Variants in LSM4 observed in about 807,000 individuals in gnomAD.
LSM4 encodes the protein LSM4 homolog, U6 small nuclear RNA and mRNA degradation associated.
A neutral mutation model predicts 22.3 loss-of-function variants in LSM4; 15 were observed. The observed-to-expected ratio is 0.67, with a 90% CI of 0.45 to 1.03. The LOEUF (loss-of-function observed/expected upper bound fraction) is 1.03, where lower values mean the gene tolerates loss of function less well. Ranked by LOEUF, LSM4 falls within the 50% of genes least tolerant of loss-of-function variation. The pLI is 0.00. For synonymous variants in LSM4, 90 were observed against 79.8 expected, an observed-to-expected ratio of 1.13 and a Z score of -0.68; for missense variants, 127 against 198.0, an observed-to-expected ratio of 0.64 and a Z score of 2.15.
chr19:18,320,813 G>A (rs934516641), intron 1 of LSM4, among the ~76,000 whole-genome samples: 3 of 152,018 alleles, frequency 2.0e-5, no homozygotes, highest in Non-Finnish European at 4.4e-5. Flanking sequence ...TAAATAAAAT[G>A]AAATAGAAAA....
intron 4 of LSM4, among the ~76,000 whole-genome samples, chr19:18,308,230 T>C (rs1324557320): frequency 6.6e-6 from 1 of 152,122 alleles, no homozygotes; most frequent in Non-Finnish European, 1.5e-5. Flanking sequence ...CCAGTAATCC[T>C]GAGCAGGCTG....
intron 1 of LSM4, among the ~76,000 whole-genome samples, chr19:18,319,144 A>G (rs187030585): frequency 4.5e-4 from 68 of 152,284 alleles, no homozygotes; most frequent in Non-Finnish European, 8.4e-4. Context: ...CAGGAGGCTG[A>G]GGCAGGAGAA....
chr19:18,321,714 G>C (rs1314279057), intron 1 of LSM4, among the ~76,000 whole-genome samples: 1 of 152,174 alleles, frequency 6.6e-6, no homozygotes, highest in African/African-American at 2.4e-5. Context: ...TCTAAGATCA[G>C]TGCTTGAGAT....
rs1220731082 is a variant in LSM4 at position 18,309,878 on chromosome 19, C to A, written c.145-17G>T. 2 of 1,611,458 alleles carry A rather than the reference C, an allele frequency of 1.2e-6. No homozygotes were observed. The highest frequency in any genetic ancestry group is 4.5e-5 in the East Asian group (2 of 44,796). On this transcript the variant is annotated splice_polypyrimidine_tract_variant and intron_variant, in intron 3 of 4. Transcript: ENST00000593829. ...GTCCCCGTCCTGCGGAGAAGGGGAG[C>A]AGGTTATTAACTTACCACCGGGCCG...
chr19:18,314,784 G>T (rs1250146425), intron 2 of LSM4, among the ~76,000 whole-genome samples: 5 of 152,122 alleles, frequency 3.3e-5, no homozygotes, highest in Admixed American at 1.3e-4. Context: ...CTTTTGTGGA[G>T]ACGGAAATGT....
chr19:18,313,786 G>T (rs4575644), intron 2 of LSM4, among the ~76,000 whole-genome samples: 1 of 151,886 alleles, frequency 6.6e-6, no homozygotes, highest in African/African-American at 2.4e-5. Context: ...GGGGTGCTGG[G>T]ATTATAGGCA....
At chr19:18,310,150 C>G in intron 3 of LSM4, 1 of 422,442 alleles carries the variant, frequency 2.4e-6, no homozygotes. Flanking sequence ...GGGCCTGGCT[C>G]AGGAGTGGCT....
Position 18,309,744 on chromosome 19 carries a change from G to C in LSM4, c.262C>G (p.Arg88Gly). The change falls in exon 4 of 5, where the codon CGC becomes GGC. Residue 88 changes from arginine to glycine, a missense_variant. By Grantham distance (125) the Arg-to-Gly change is moderately radical. Coordinates refer to ENST00000593829, the MANE Select transcript of LSM4 (RefSeq NM_012321.5). Reference protein sequence around the residue: ...MVKEEVVAKGRGRGGLQQQKQ... With the variant: ...MVKEEVVAKGGGRGGLQQQKQ... ...TGCTGCTGCAGGCCTCCGCGGCCGC[G>C]GCCCTTGGCCACCACCTCCTCCTTG... 2 of 1,613,372 alleles carry C rather than the reference G, an allele frequency of 1.2e-6. No homozygotes were observed. Among genetic ancestry groups the C allele is most frequent in the Middle Eastern group, 1.7e-4 (1 of 6,046 alleles).
In LSM4 at chr19:18,307,378, T is replaced by C; in HGVS notation, c.*86A>G. ...GGGGTTCCCCCTGGCGCCTGCCTCT[T>C]CCTTTCTGAGCAGATCCGTCCGAGA... is the stretch of plus-strand genomic sequence containing the variant. On this transcript the variant is annotated 3_prime_UTR_variant, in exon 5 of 5. Coordinates refer to ENST00000593829, the MANE Select transcript of LSM4 (RefSeq NM_012321.5). 4.4e-6 allele frequency: 5 copies of C among 1,134,258 alleles called. No homozygotes were observed. Among genetic ancestry groups the C allele is most frequent in the Admixed American group, 4.0e-5 (1 of 24,944 alleles). The allele number at this position is 1,134,258 out of a possible 1,614,324, so 70.3% of individuals were successfully genotyped here.
chr19:18,307,264 A>C lies in LSM4; in HGVS notation c.*200T>G, dbSNP rs1166738186. On this transcript the variant is annotated 3_prime_UTR_variant, in exon 5 of 5. Transcript: ENST00000593829. The stretch of plus-strand genomic sequence containing the variant: ...GGACGGCCGTTTCACAAAACCAAAA[A>C]ACACCAAGTAACATTTCTAACCGGA... The C allele has an allele frequency of 2.3e-6, 1 of 441,854 alleles. No individual in the cohort carries two copies. The highest frequency in any genetic ancestry group is 2.0e-5 in the African/African-American group (1 of 49,110). 27.4% of individuals were successfully genotyped at this position (441,854 alleles called of 1,614,324 possible). A position where few individuals can be genotyped will look rare whatever the true frequency, so the allele number is the denominator to read the frequency against.
chr19:18,317,616 G>A (rs1322742925), intron 1 of LSM4, among the ~76,000 whole-genome samples: 1 of 152,068 alleles, frequency 6.6e-6, no homozygotes, highest in Non-Finnish European at 1.5e-5. Flanking sequence ...CAAAGTGCTG[G>A]GATTACAGGC....
At chr19:18,309,304 T>G in intron 4 of LSM4, 1 of 226,996 alleles carries the variant, frequency 4.4e-6, no homozygotes. Flanking sequence ...CAAATGGAAT[T>G]TTATGCCAAT....
chr19:18,314,901 T>C (rs543197280), intron 2 of LSM4, among the ~76,000 whole-genome samples: 3 of 152,030 alleles, frequency 2.0e-5, no homozygotes, highest in African/African-American at 7.2e-5. Flanking sequence ...CCTTTTTTTT[T>C]TGAGATGGAG....
intron 4 of LSM4, among the ~76,000 whole-genome samples, chr19:18,308,958 C>T (rs999922789): frequency 4.6e-5 from 7 of 152,188 alleles, no homozygotes; most frequent in African/African-American, 1.7e-4. Flanking sequence ...GACCCACTCT[C>T]TCAACAACCT....
chr19:18,309,822 G>T lies in LSM4; in HGVS notation c.184C>A (p.Arg62Ser), dbSNP rs367855479. ...KFWRMPECYI[R>S]GSTIKYLRIP... ...CGCAGGTACTTGATGGTGCTGCCGC[G>T]GATGTAGCACTCGGGCATCCGCCAG... Residue 62 changes from arginine to serine, a missense_variant, in exon 4 of 5, where the codon CGC (arginine) becomes AGC (serine). Arg to Ser is a moderately radical substitution (Grantham distance 110). Transcript: ENST00000593829. The T allele has an allele frequency of 3.1e-6, 5 of 1,613,794 alleles. No individual in the cohort carries two copies. The South Asian group carries it at 5.5e-5, about 18-fold the overall frequency.
At chr19:18,315,732 G>A (rs1970347182) in intron 2 of LSM4, among the ~76,000 whole-genome samples, 1 of 151,690 alleles carries the variant, frequency 6.6e-6, no homozygotes, top group South Asian at 2.1e-4. Flanking sequence ...TTCTTGCCCA[G>A]GCTGATCTCG....
At chr19:18,310,006 G>A in intron 3 of LSM4, 145 bp from the exon 4 acceptor site, 2 of 733,172 alleles carry the variant, frequency 2.7e-6, no homozygotes, top group Admixed American at 6.0e-5. Context: ...GGACATACGT[G>A]GCAAAGGGTC....
In LSM4 at chr19:18,307,466, ACT is replaced by A; in HGVS notation, c.416_417del (p.Gln139LeufsTer49). The A allele has an allele frequency of 1.3e-6, 2 of 1,537,588 alleles. No homozygotes were observed. The highest frequency in any genetic ancestry group is 8.7e-7 in the Non-Finnish European group (1 of 1,143,548). ...EKKPGRQAGK[Q>X] ...CAGCAGCCGGTCTGGGTGGGCGCTCACTGTTTGCCCGCCTGTCTGCCAGGCTT... is the reference window on the plus strand; with the variant it reads ...CAGCAGCCGGTCTGGGTGGGCGCTCAGTTTGCCCGCCTGTCTGCCAGGCTT... On this transcript the variant is annotated frameshift_variant, in exon 5 of 5. Coordinates refer to ENST00000593829, the MANE Select transcript of LSM4 (RefSeq NM_012321.5). LOFTEE classifies it high-confidence loss of function.
chr19:18,323,073 C>T lies in LSM4; in HGVS notation c.-53G>A. 6.9e-7 allele frequency: 1 copy of T among 1,457,074 alleles called. No homozygotes were observed. Among genetic ancestry groups the T allele is most frequent in the Non-Finnish European group, 9.0e-7 (1 of 1,112,388 alleles). 90.3% of individuals were successfully genotyped at this position (1,457,074 alleles called of 1,614,324 possible). A position where few individuals can be genotyped will look rare whatever the true frequency, so the allele number is the denominator to read the frequency against. On this transcript the variant is annotated 5_prime_UTR_variant, in exon 1 of 5. In the 5' UTR this introduces an upstream ATG that the reference lacks. Transcript: ENST00000593829. ...CCACTTCCGCCGCCGCCGCTGCACA[C>T]GCTCCCGGCGGTCGTCGCCGCGCCG...
Sources: allele counts gnomAD v4.1 joint callset (sites outside exome capture counted in the v4.1 genomes callset), GRCh38; gene constraint gnomAD v4.1.1; transcripts MANE v1.5; gene names NCBI Gene and HGNC (gene_info 2026-07-23, HGNC 2026-07-21).